IPCEF1: variants seen among roughly 807,000 people sequenced by gnomAD.
IPCEF1 encodes interaction protein for cytohesin exchange factors 1.
In IPCEF1, 31 loss-of-function variants were observed where a neutral mutation model predicts 50.9. The observed-to-expected ratio is 0.61, with a 90% CI of 0.46 to 0.82. The LOEUF (loss-of-function observed/expected upper bound fraction) is 0.82, where lower values mean the gene tolerates loss of function less well. IPCEF1 is among the 40% of genes least tolerant of loss of function. IPCEF1 has a pLI of 0.00. For missense variants in IPCEF1, 458 were observed against 514.0 expected, an observed-to-expected ratio of 0.89 and a Z score of 1.05; for synonymous variants, 181 against 192.0, an observed-to-expected ratio of 0.94 and a Z score of 0.47.
Position 154,167,987 on chromosome 6 carries a change from T to G in IPCEF1, c.1037A>C (p.Lys346Thr). The G allele has an allele frequency of 6.2e-7, 1 of 1,611,848 alleles. No homozygotes were observed. The highest frequency in any genetic ancestry group is 1.3e-5 in the African/African-American group (1 of 75,038). The change falls in exon 11 of 12, where the codon AAG (lysine) becomes ACG (threonine). Residue 346 changes from lysine to threonine, a missense_variant. Physicochemically the swap from Lys to Thr is moderately conservative, Grantham distance 78. Transcript: ENST00000367220. ...TKKELRKSFV[K>T]RCKNPSINEK... Reference sequence around the variant, plus strand: ...GTTTATAGATGGATTTTTACACCGCTTAACAAAGGATTTTCTCAACTCCTT... The same window carrying G: ...GTTTATAGATGGATTTTTACACCGCGTAACAAAGGATTTTCTCAACTCCTT...
intron 3 of IPCEF1, among the ~76,000 whole-genome samples, chr6:154,259,329 T>C (rs1353266922): frequency 1.3e-5 from 2 of 152,106 alleles, no homozygotes; most frequent in Non-Finnish European, 2.9e-5. Context: ...CAACAAACCC[T>C]CCAAATACTG....
At chr6:154,240,043 C>A (rs767920574) in intron 5 of IPCEF1, among the ~76,000 whole-genome samples, 1 of 152,086 alleles carries the variant, frequency 6.6e-6, no homozygotes, top group African/African-American at 2.4e-5. Context: ...GTTTGGGATA[C>A]GCTCAGAGGC....
At chr6:154,344,497 C>T (rs1047439822) in intron 1 of IPCEF1, among the ~76,000 whole-genome samples, 16 of 152,128 alleles carry the variant, frequency 1.1e-4, no homozygotes, top group African/African-American at 3.9e-4. Flanking sequence ...TGAGGCTCCC[C>T]GTTTCACAAA....
chr6:154,269,949 C>T (rs7751831), intron 2 of IPCEF1, among the ~76,000 whole-genome samples: 65,968 of 151,876 alleles, frequency 0.43, 15,595 homozygotes, highest in East Asian at 0.65. Context: ...AAAATATATA[C>T]ATATAAAGTA....
intron 2 of IPCEF1, among the ~76,000 whole-genome samples, chr6:154,282,635 C>T (rs1050041096): frequency 2.0e-5 from 3 of 151,946 alleles, no homozygotes; most frequent in Admixed American, 6.6e-5. Context: ...TGCAGTGAGC[C>T]GAGATAGCAC....
chr6:154,187,377 G>A (rs887646309), intron 10 of IPCEF1, among the ~76,000 whole-genome samples: 16 of 152,104 alleles, frequency 1.1e-4, no homozygotes, highest in African/African-American at 3.9e-4. Context: ...TCCCCTCAGT[G>A]TTAGCTCTGT....
chr6:154,321,778 TAAAAAAAAAA>T (rs61648946), intron 1 of IPCEF1, among the ~76,000 whole-genome samples: 1 of 51,932 alleles, frequency 1.9e-5, no homozygotes, highest in Non-Finnish European at 4.2e-5. Context: ...AGACTCTTTC[TAAAAAAAAAA>T]AAAAAAAAAA....
intron 10 of IPCEF1, among the ~76,000 whole-genome samples, chr6:154,171,898 T>C (rs1238815370): frequency 6.6e-6 from 1 of 152,234 alleles, no homozygotes; most frequent in Admixed American, 6.5e-5. Context: ...TCTACTTAGA[T>C]TAAGGCATAA....
intron 1 of IPCEF1, among the ~76,000 whole-genome samples, chr6:154,344,307 G>A (rs915454524): frequency 2.0e-5 from 3 of 152,080 alleles, no homozygotes; most frequent in Admixed American, 1.3e-4. Flanking sequence ...TCCACTCGTC[G>A]GAGCCATATC....
intron 5 of IPCEF1, among the ~76,000 whole-genome samples, chr6:154,238,493 C>T (rs1186581087): frequency 1.3e-5 from 2 of 151,974 alleles, no homozygotes; most frequent in Non-Finnish European, 2.9e-5. Flanking sequence ...CTCAAACTCC[C>T]GACCTCAGGT....
chr6:154,178,029 TA>T (rs1345735956), intron 10 of IPCEF1, among the ~76,000 whole-genome samples: 3 of 150,448 alleles, frequency 2.0e-5, no homozygotes, highest in Non-Finnish European at 4.4e-5. Context: ...CTCAGCAAAA[TA>T]TCACAAGGAC....
chr6:154,167,010 TCTA>T lies in IPCEF1; in HGVS notation c.1104+907_1104+909del, dbSNP rs1449933354. Among the ~76,000 whole-genome samples, 3 of 152,312 alleles carry T rather than the reference TCTA, an allele frequency of 2.0e-5. No individual in the cohort carries two copies. The East Asian group carries it at 5.8e-4, about 29-fold the overall frequency. ...GTAGCCTTTTAGGGTGTTCAGATGT[TCTA>T]CTGACTAACTGGGACGCCTAAGAGC... On this transcript the variant is annotated intron_variant, in intron 11 of 11. Coordinates refer to ENST00000367220, the MANE Select transcript of IPCEF1 (RefSeq NM_001130700.2).
chr6:154,338,847 G>A lies in IPCEF1; in HGVS notation c.-62+17825C>T, dbSNP rs1395899780. Among the ~76,000 whole-genome samples, 13 of 152,210 alleles carry A rather than the reference G, an allele frequency of 8.5e-5. No homozygotes were observed. In the East Asian group the frequency reaches 9.6e-4, roughly 11 times the overall value. On this transcript the variant is annotated intron_variant, in intron 1 of 11. Coordinates refer to ENST00000367220, the MANE Select transcript of IPCEF1 (RefSeq NM_001130700.2). ...TGAGACAGGAGGATCGCTTGAGCCC[G>A]GGAGGTGGAGGTTGCAGTGAGCTGA...
intron 1 of IPCEF1, among the ~76,000 whole-genome samples, chr6:154,296,747 T>A (rs1782670841): frequency 6.7e-6 from 1 of 148,480 alleles, no homozygotes. Context: ...GAGAATGGCG[T>A]GAACCCAGGA....
intron 10 of IPCEF1, among the ~76,000 whole-genome samples, chr6:154,169,776 C>G (rs957641365): frequency 1.3e-5 from 2 of 152,220 alleles, no homozygotes; most frequent in Admixed American, 1.3e-4. Flanking sequence ...AATGGCAGTT[C>G]CACCATTCTG....
chr6:154,188,637 A>G (rs1362489750), intron 10 of IPCEF1, among the ~76,000 whole-genome samples: 2 of 152,230 alleles, frequency 1.3e-5, no homozygotes, highest in Admixed American at 1.3e-4. Context: ...TTTAAAACTT[A>G]TTTTGTAAAA....
At chr6:154,216,365 A>G (rs1036812151) in intron 7 of IPCEF1, among the ~76,000 whole-genome samples, 10 of 152,258 alleles carry the variant, frequency 6.6e-5, no homozygotes, top group African/African-American at 2.4e-4. Flanking sequence ...GAACAAATAT[A>G]TCTTCTGTAA....
intron 5 of IPCEF1, among the ~76,000 whole-genome samples, chr6:154,234,187 C>T (rs1779934683): frequency 6.6e-6 from 1 of 152,018 alleles, no homozygotes; most frequent in South Asian, 2.1e-4. Flanking sequence ...CAGTGAGACC[C>T]CATCTCTAAA....
chr6:154,223,143 T>C, intron 6 of IPCEF1, 27 bp downstream of exon 6: 1 of 1,571,458 alleles, frequency 6.4e-7, no homozygotes, highest in Non-Finnish European at 8.8e-7. Flanking sequence ...TGGCTCAGAG[T>C]TTTGTGGAAG....
Sources: gnomAD v4.1 joint callset for allele counts (sites outside exome capture counted in the v4.1 genomes callset) on GRCh38, gnomAD v4.1.1 for gene constraint, MANE v1.5 for transcripts, NCBI Gene and HGNC (gene_info 2026-07-23, HGNC 2026-07-21) for gene names.